The following NDST4 variants were observed in gnomAD, a reference collection of about 807,000 sequenced individuals.
NDST4 encodes the protein N-heparan sulfate sulfotransferase 4.
NDST4 carries 63 observed loss-of-function variants against 100.8 expected under a neutral mutation model. The observed-to-expected ratio is 0.62, with a 90% CI of 0.51 to 0.77. NDST4 has a LOEUF of 0.77. Among genes scored for constraint, NDST4 ranks in the 30% least tolerant of loss-of-function variants. The pLI is 0.00. For missense variants in NDST4, 943 were observed against 1,018.4 expected (o/e 0.93, Z 1.01); for synonymous variants, 377 against 361.8 (o/e 1.04, Z -0.48).
chr4:115,105,042 G>A (rs1729807980), intron 1 of NDST4, among the ~76,000 whole-genome samples: 1 of 152,176 alleles, frequency 6.6e-6, no homozygotes, highest in African/African-American at 2.4e-5. Flanking sequence ...GCAGAGAAGA[G>A]TTAGAATTTT....
At chr4:114,849,296 A>C (rs563731816) in intron 8 of NDST4, among the ~76,000 whole-genome samples, 1 of 152,236 alleles carries the variant, frequency 6.6e-6, no homozygotes, top group Non-Finnish European at 1.5e-5. Flanking sequence ...CTCATAAATC[A>C]AGACTTTTCT....
At chr4:115,044,676 C>A in intron 2 of NDST4, among the ~76,000 whole-genome samples, 1 of 144,468 alleles carries the variant, frequency 6.9e-6, no homozygotes, top group Admixed American at 6.9e-5. Context: ...AACAAGACAC[C>A]ATGAGTAAAA....
chr4:114,991,645 T>A lies in NDST4; in HGVS notation c.979-14371A>T, dbSNP rs578149193. On this transcript the variant is annotated intron_variant, in intron 2 of 13. Transcript: ENST00000264363. Reference sequence around the variant, plus strand: ...CTCTAGCCACAAGAGAAAAGCGAAATCTCAATAATATCAAAACAGATAATA... The same window carrying A: ...CTCTAGCCACAAGAGAAAAGCGAAAACTCAATAATATCAAAACAGATAATA... Among the ~76,000 whole-genome samples, 87 of 152,062 alleles carry A rather than the reference T, an allele frequency of 5.7e-4. 1 individual carries two copies. Among genetic ancestry groups the A allele is most frequent in the African/African-American group, 2.0e-3 (84 of 41,542 alleles).
chr4:115,044,128 G>A (rs1291377473), intron 2 of NDST4, among the ~76,000 whole-genome samples: 1 of 152,076 alleles, frequency 6.6e-6, no homozygotes, highest in East Asian at 1.9e-4. Flanking sequence ...CTTGGGCAGA[G>A]ACTGAATTGA....
At chr4:114,967,780 A>AT (rs201953131) in intron 4 of NDST4, among the ~76,000 whole-genome samples, 26 of 152,048 alleles carry the variant, frequency 1.7e-4, no homozygotes, top group South Asian at 4.1e-4. Flanking sequence ...GTAAATCCAT[A>AT]TTTTTTTTAA....
intron 2 of NDST4, among the ~76,000 whole-genome samples, chr4:115,054,866 T>A (rs1728659527): frequency 6.6e-6 from 1 of 152,124 alleles, no homozygotes; most frequent in Non-Finnish European, 1.5e-5. Flanking sequence ...CCAGAACCCA[T>A]CTTTTGACAT....
intron 6 of NDST4, among the ~76,000 whole-genome samples, chr4:114,883,925 A>G (rs1265266335): frequency 6.6e-6 from 1 of 152,100 alleles, no homozygotes; most frequent in Non-Finnish European, 1.5e-5. Context: ...GGCATATTTC[A>G]GGTTGTAATG....
chr4:114,905,267 C>CTTG (rs5861196), intron 6 of NDST4, among the ~76,000 whole-genome samples: 50,476 of 151,050 alleles, frequency 0.33, 12,314 homozygotes, highest in African/African-American at 0.7. Context: ...GGAAATAAAG[C>CTTG]TTAAGTGGCT....
intron 2 of NDST4, 122 bp downstream of exon 2, chr4:115,075,937 A>G (rs1036008297): frequency 3.4e-6 from 4 of 1,180,518 alleles, no homozygotes; most frequent in East Asian, 5.1e-5. Context: ...CTAAATGGCT[A>G]TCTTATTTCA....
At chr4:115,056,849 CCTT>C (rs1168123979) in intron 2 of NDST4, among the ~76,000 whole-genome samples, 2 of 151,882 alleles carry the variant, frequency 1.3e-5, no homozygotes, top group African/African-American at 4.8e-5. Flanking sequence ...AAAAAGAAAT[CCTT>C]CATGTTTTTG....
chr4:115,039,822 C>G (rs770876985), intron 2 of NDST4, among the ~76,000 whole-genome samples: 1 of 151,930 alleles, frequency 6.6e-6, no homozygotes, highest in Non-Finnish European at 1.5e-5. Context: ...TTATATAAGT[C>G]TTACATTTAT....
At chr4:114,910,257 G>A (rs942669989) in intron 6 of NDST4, among the ~76,000 whole-genome samples, 1 of 152,184 alleles carries the variant, frequency 6.6e-6, no homozygotes, top group African/African-American at 2.4e-5. Flanking sequence ...ATAAACTGCA[G>A]TAGGTGAGCA....
intron 2 of NDST4, among the ~76,000 whole-genome samples, chr4:115,016,309 G>C (rs1727675564): frequency 6.6e-6 from 1 of 152,048 alleles, no homozygotes; most frequent in South Asian, 2.1e-4. Context: ...TATATAATCT[G>C]AATCATTGTC....
At chr4:114,855,631 A>G (rs1328802775) in intron 7 of NDST4, among the ~76,000 whole-genome samples, 2 of 151,956 alleles carry the variant, frequency 1.3e-5, no homozygotes, top group Non-Finnish European at 2.9e-5. Context: ...TCATTGGTCT[A>G]TGTGTCTATT....
intron 7 of NDST4, among the ~76,000 whole-genome samples, chr4:114,867,665 C>CAAAAAAAAAAAAAAAAAAGA: frequency 7.5e-4 from 60 of 79,870 alleles, no homozygotes; most frequent in South Asian, 1.1e-3. Flanking sequence ...AAAAAAAAAG[C>CAAAAAAAAAAAAAAAAAAGA]AAAAAAAAAA....
intron 2 of NDST4, among the ~76,000 whole-genome samples, chr4:115,015,710 T>C (rs1727661660): frequency 1.3e-5 from 2 of 152,090 alleles, no homozygotes; most frequent in Admixed American, 1.3e-4. Context: ...TAGCTCTTTC[T>C]CAGTCTACTG....
At chr4:114,984,973 G>A (rs1308222346) in intron 2 of NDST4, among the ~76,000 whole-genome samples, 2 of 152,104 alleles carry the variant, frequency 1.3e-5, no homozygotes, top group South Asian at 2.1e-4. Context: ...ACTCAAGGAG[G>A]AATTTGCTAT....
chr4:115,051,823 G>A (rs1482254345), intron 2 of NDST4, among the ~76,000 whole-genome samples: 1 of 151,774 alleles, frequency 6.6e-6, no homozygotes, highest in Non-Finnish European at 1.5e-5. Flanking sequence ...TTAGTTTTTT[G>A]AGGAGCCTCT....
At chr4:114,965,675 T>G (rs1213047743) in intron 4 of NDST4, among the ~76,000 whole-genome samples, 3 of 152,054 alleles carry the variant, frequency 2.0e-5, no homozygotes, top group Non-Finnish European at 4.4e-5. Flanking sequence ...ATTTCATGTC[T>G]GCAACTATTA....
Sources: gnomAD v4.1 joint callset for allele counts (sites outside exome capture counted in the v4.1 genomes callset) on GRCh38, gnomAD v4.1.1 for gene constraint, MANE v1.5 for transcripts, NCBI Gene and HGNC (gene_info 2026-07-23, HGNC 2026-07-21) for gene names.